CEP85L: variants seen among roughly 807,000 people sequenced by gnomAD.
The protein encoded by CEP85L is centrosomal protein of 85 kDa-like.
CEP85L carries 60 observed loss-of-function variants against 100.3 expected under a neutral mutation model. The ratio of observed to expected loss-of-function variants is 0.60; its 90% CI spans 0.49 to 0.74. CEP85L has a LOEUF of 0.74. Ranked by LOEUF, CEP85L falls within the 30% of genes least tolerant of loss-of-function variation. The pLI is 0.00. For synonymous variants in CEP85L, 319 were observed against 322.7 expected (o/e 0.99, Z 0.12); for missense variants, 973 against 936.2 (o/e 1.04, Z -0.51).
chr6:118,697,325 G>A (rs998769924), intron 1 of CEP85L, among the ~76,000 whole-genome samples: 1 of 152,170 alleles, frequency 6.6e-6, no homozygotes, highest in African/African-American at 2.4e-5. Flanking sequence ...GTCCCATTTT[G>A]AGACCCATCC....
intron 3 of CEP85L, among the ~76,000 whole-genome samples, chr6:118,533,623 T>C (rs542527427): frequency 6.6e-6 from 1 of 152,106 alleles, no homozygotes; most frequent in East Asian, 1.9e-4. Flanking sequence ...AATGCTCTGA[T>C]AACAAAACCA....
chr6:118,514,841 G>T, intron 4 of CEP85L, among the ~76,000 whole-genome samples: 1 of 151,624 alleles, frequency 6.6e-6, no homozygotes, highest in African/African-American at 2.4e-5. Flanking sequence ...GTGTCACTCT[G>T]TCACTCAGGC....
chr6:118,616,596 G>A lies in CEP85L; in HGVS notation c.232+15857C>T, dbSNP rs139955522. The stretch of plus-strand genomic sequence containing the variant: ...CCTGTGCTCTGTGGCCAGGTATGAC[G>A]GTATGCACCACTACACTACAGCCTG... On this transcript the variant is annotated intron_variant, in intron 2 of 12. Coordinates refer to ENST00000368491, the MANE Select transcript of CEP85L (RefSeq NM_001042475.3). Among the ~76,000 whole-genome samples the A allele has an allele frequency of 3.8e-4, 57 of 150,052 alleles. 1 individual carries two copies. Among genetic ancestry groups the A allele is most frequent in the African/African-American group, 1.4e-3 (56 of 40,798 alleles).
chr6:118,501,605 AC>A, intron 5 of CEP85L: 1 of 598,746 alleles, frequency 1.7e-6, no homozygotes, highest in Middle Eastern at 5.4e-4. Context: ...ACCAATATGT[AC>A]TAATGCCATG....
intron 1 of CEP85L, among the ~76,000 whole-genome samples, chr6:118,709,835 G>A (rs1485898052): frequency 6.6e-6 from 1 of 152,090 alleles, no homozygotes; most frequent in Non-Finnish European, 1.5e-5. Flanking sequence ...TAGCAATCTA[G>A]ATCCGAGTAC....
intron 2 of CEP85L, among the ~76,000 whole-genome samples, chr6:118,596,683 A>G (rs769768126): frequency 2.0e-5 from 3 of 152,152 alleles, no homozygotes; most frequent in Non-Finnish European, 2.9e-5. Context: ...AAACAAGAGT[A>G]CCTTTCCAGG....
chr6:118,570,933 C>G (rs1311390410), intron 2 of CEP85L, among the ~76,000 whole-genome samples: 1 of 151,668 alleles, frequency 6.6e-6, no homozygotes, highest in East Asian at 1.9e-4. Context: ...CACATGCACA[C>G]ACAACATATG....
chr6:118,488,284 A>C (rs541156916), intron 6 of CEP85L, among the ~76,000 whole-genome samples: 1 of 152,072 alleles, frequency 6.6e-6, no homozygotes, highest in Non-Finnish European at 1.5e-5. Flanking sequence ...CAACATAAAG[A>C]TGCTCAATGA....
chr6:118,694,397 T>A (rs1201260713), intron 1 of CEP85L, among the ~76,000 whole-genome samples: 1 of 152,176 alleles, frequency 6.6e-6, no homozygotes, highest in East Asian at 1.9e-4. Context: ...AATATAAATA[T>A]GTATCATATT....
chr6:118,600,300 G>GGGTGTGTGTGT lies in CEP85L; in HGVS notation c.232+32152_232+32153insACACACACACC, dbSNP rs1562297733. Among the ~76,000 whole-genome samples, 53 of 52,244 alleles carry GGGTGTGTGTGT rather than the reference G, an allele frequency of 1.0e-3. 11 individuals are homozygous for GGGTGTGTGTGT. The highest frequency in any genetic ancestry group is 1.5e-3 in the Non-Finnish European group (36 of 24,780). 34.3% of individuals were successfully genotyped at this position (52,244 alleles called of 152,430 possible). On this transcript the variant is annotated intron_variant, in intron 2 of 12. Coordinates refer to ENST00000368491, the MANE Select transcript of CEP85L (RefSeq NM_001042475.3). ...CTGCCTGTCCCTGAGCCTTCCTGGG[G>GGGTGTGTGTGT]GTGTGTGTGTGTGTGTGTGTGTGTG...
intron 10 of CEP85L, among the ~76,000 whole-genome samples, chr6:118,475,813 CCT>C (rs1773326511): frequency 6.6e-6 from 1 of 152,064 alleles, no homozygotes; most frequent in Non-Finnish European, 1.5e-5. Context: ...TAAATTTAAA[CCT>C]CAGTCTTTCT....
At chr6:118,709,037 C>T (rs1373701099) in intron 1 of CEP85L, among the ~76,000 whole-genome samples, 1 of 152,104 alleles carries the variant, frequency 6.6e-6, no homozygotes, top group Non-Finnish European at 1.5e-5. Context: ...TATAGAATAG[C>T]CCCGATTTTG....
intron 2 of CEP85L, among the ~76,000 whole-genome samples, chr6:118,604,333 G>C (rs1021699787): frequency 6.6e-6 from 1 of 152,132 alleles, no homozygotes; most frequent in East Asian, 1.9e-4. Context: ...CGGAAAAACT[G>C]AGTAACACCC....
chr6:118,569,430 T>C (rs35770016), intron 2 of CEP85L, among the ~76,000 whole-genome samples: 1 of 149,868 alleles, frequency 6.7e-6, no homozygotes, highest in Non-Finnish European at 1.5e-5. Flanking sequence ...CTGCACGTTG[T>C]GCATATGTAC....
chr6:118,558,369 A>T (rs762136756), intron 3 of CEP85L, among the ~76,000 whole-genome samples: 2 of 152,140 alleles, frequency 1.3e-5, no homozygotes, highest in Non-Finnish European at 2.9e-5. Context: ...TGTGACCAGA[A>T]ATATGCTATA....
At chr6:118,552,733 A>G (rs1416982799) in intron 3 of CEP85L, among the ~76,000 whole-genome samples, 1 of 152,040 alleles carries the variant, frequency 6.6e-6, no homozygotes, top group East Asian at 1.9e-4. Context: ...AATCCCACAA[A>G]GAATAGTAAA....
At position 118,582,103 on chromosome 6, in the gene CEP85L, T is replaced by C. The variant is rs1780609583; in HGVS notation, c.233-15787A>G. On this transcript the variant is annotated intron_variant, in intron 2 of 12. Transcript: ENST00000368491. ...TTCCAGAGGAGCAATCTGAAACAGCTATTGAATGTCCCAATCCTTCCAGTC... is the reference window on the plus strand; with the variant it reads ...TTCCAGAGGAGCAATCTGAAACAGCCATTGAATGTCCCAATCCTTCCAGTC... Among the ~76,000 whole-genome samples, 4 of 152,168 alleles carry C rather than the reference T, an allele frequency of 2.6e-5. No homozygotes were observed. The South Asian group carries it at 8.3e-4, about 31-fold the overall frequency.
intron 2 of CEP85L, among the ~76,000 whole-genome samples, chr6:118,567,566 G>A (rs1296814617): frequency 2.0e-5 from 3 of 152,016 alleles, no homozygotes; most frequent in Admixed American, 2.0e-4. Flanking sequence ...CTATAATTTT[G>A]TAATCAAGGG....
chr6:118,537,526 C>T (rs927741196), intron 3 of CEP85L: 6 of 985,130 alleles, frequency 6.1e-6, no homozygotes, highest in Admixed American at 1.2e-4. Context: ...ATAGGTACCT[C>T]TTCTTGGAAA....
Sources: gnomAD v4.1 joint callset for allele counts (sites outside exome capture counted in the v4.1 genomes callset) on GRCh38, gnomAD v4.1.1 for gene constraint, MANE v1.5 for transcripts, NCBI Gene and HGNC (gene_info 2026-07-23, HGNC 2026-07-21) for gene names.